ANK3: variants seen among roughly 807,000 people sequenced by gnomAD.
ANK3 encodes ankyrin 3.
ANK3 carries 57 observed loss-of-function variants against 370.9 expected under a neutral mutation model. The ratio of observed to expected loss-of-function variants is 0.15; its 90% CI spans 0.12 to 0.19. The LOEUF is 0.19. Ranked by LOEUF, ANK3 falls within the 10% of genes least tolerant of loss-of-function variation. ANK3 has a pLI of 1.00. For missense variants in ANK3, 4,439 were observed against 5,302.1 expected, an observed-to-expected ratio of 0.84 and a Z score of 5.06; for synonymous variants, 1,929 against 1,946.3, an observed-to-expected ratio of 0.99 and a Z score of 0.23.
chr10:60,301,305 T>C lies in ANK3; in HGVS notation c.115-21666A>G, dbSNP rs1158962464. Among the ~76,000 whole-genome samples, 4 of 148,126 alleles carry C rather than the reference T, an allele frequency of 2.7e-5. No homozygotes were observed. In the Admixed American group the frequency reaches 2.7e-4, roughly 10 times the overall value. ...GCACACATATACACACACATACATA[T>C]ATACACACATACACACACGTGTGTA... is the stretch of plus-strand genomic sequence containing the variant. On this transcript the variant is annotated intron_variant, in intron 1 of 43. Coordinates refer to ENST00000280772, the MANE Select transcript of ANK3 (RefSeq NM_020987.5).
intron 2 of ANK3, among the ~76,000 whole-genome samples, chr10:60,566,751 T>C (rs117468970): frequency 0.016 from 2,411 of 152,248 alleles, 32 homozygotes; most frequent in Non-Finnish European, 0.028. Flanking sequence ...TGGAGCACAC[T>C]TGTGATCCCA....
intron 25 of ANK3, among the ~76,000 whole-genome samples, chr10:60,125,694 G>T (rs2093721550): frequency 6.6e-6 from 1 of 152,172 alleles, no homozygotes; most frequent in Admixed American, 6.5e-5. Flanking sequence ...GGGGGTGGGA[G>T]TGTGGGTGGA....
intron 2 of ANK3, among the ~76,000 whole-genome samples, chr10:60,489,776 C>A (rs80066645): frequency 0.011 from 1,666 of 152,122 alleles, 39 homozygotes; most frequent in African/African-American, 0.036. Flanking sequence ...AATAAAGAAC[C>A]AGCCTTTTAA....
At position 60,073,966 on chromosome 10, in the gene ANK3, G is replaced by A; in HGVS notation, c.6915C>T (p.His2305=). Residue 2305 remains histidine, a synonymous_variant, in exon 37 of 44, where the codon CAC becomes CAT. Coordinates refer to ENST00000280772, the MANE Select transcript of ANK3 (RefSeq NM_020987.5). The part of the protein sequence containing the change: ...EHKSAVSPDV[H]KSAAETSAQH... ...GGGCTGAGGTTTCAGCAGCAGACTT[G>A]TGAACATCTGGAGACACTGCCGACT... 1 of 1,614,020 alleles carries A rather than the reference G, an allele frequency of 6.2e-7. No individual in the cohort carries two copies. The highest frequency in any genetic ancestry group is 8.5e-7 in the Non-Finnish European group (1 of 1,179,996).
intron 2 of ANK3, among the ~76,000 whole-genome samples, chr10:60,501,122 TTC>T (rs1206586771): frequency 6.6e-6 from 1 of 152,220 alleles, no homozygotes; most frequent in East Asian, 1.9e-4. Flanking sequence ...AACAGGTAAA[TTC>T]TCTGCAAGCC....
intron 2 of ANK3, among the ~76,000 whole-genome samples, chr10:60,430,424 C>T (rs570705045): frequency 1.7e-4 from 26 of 152,122 alleles, no homozygotes; most frequent in Non-Finnish European, 3.5e-4. Context: ...GACTAGCCAT[C>T]TGTTCATCAA....
intron 8 of ANK3, among the ~76,000 whole-genome samples, chr10:60,228,310 C>T (rs2050848): frequency 0.37 from 56,313 of 151,688 alleles, 11,878 homozygotes; most frequent in East Asian, 0.5. Context: ...CCGAGGTGGG[C>T]GGATCACGAG....
chr10:60,652,407 CAACA>C (rs1202310155), intron 1 of ANK3, among the ~76,000 whole-genome samples: 1 of 151,680 alleles, frequency 6.6e-6, no homozygotes, highest in East Asian at 1.9e-4. Context: ...GTCTCAAAAA[CAACA>C]ACGAAAACTA....
chr10:60,376,112 A>C (rs2060738943), intron 1 of ANK3, among the ~76,000 whole-genome samples: 1 of 152,158 alleles, frequency 6.6e-6, no homozygotes, highest in Admixed American at 6.5e-5. Flanking sequence ...AATTGTGTCA[A>C]GATTCAAACC....
intron 2 of ANK3, among the ~76,000 whole-genome samples, chr10:60,520,724 G>A (rs576672682): frequency 8.6e-5 from 13 of 152,016 alleles, no homozygotes; most frequent in Non-Finnish European, 1.2e-4. Context: ...TGGTGTTTCT[G>A]CCCATTGTTG....
intron 1 of ANK3, among the ~76,000 whole-genome samples, chr10:60,342,642 G>T (rs2054523089): frequency 6.6e-6 from 1 of 152,088 alleles, no homozygotes; most frequent in Non-Finnish European, 1.5e-5. Flanking sequence ...TCGAAGTCAG[G>T]GCTAGGATCT....
chr10:60,211,892 CAAAAA>C (rs72238553), intron 9 of ANK3, among the ~76,000 whole-genome samples: 1 of 93,396 alleles, frequency 1.1e-5, no homozygotes, highest in Non-Finnish European at 2.0e-5. Context: ...AATACAGAGC[CAAAAA>C]AAAAAAAAAA....
intron 2 of ANK3, among the ~76,000 whole-genome samples, chr10:60,433,063 C>T (rs2064069155): frequency 6.6e-6 from 1 of 152,134 alleles, no homozygotes; most frequent in Admixed American, 6.6e-5. Context: ...AAAAACTGTT[C>T]CACTTCAGGT....
intron 2 of ANK3, among the ~76,000 whole-genome samples, chr10:60,551,006 G>A (rs1288962977): frequency 5.3e-5 from 8 of 152,008 alleles, no homozygotes; most frequent in Admixed American, 6.6e-5. Context: ...TTCTATGCAC[G>A]AAAGTTAAGT....
intron 1 of ANK3, chr10:60,300,183 C>T: frequency 2.2e-6 from 1 of 449,660 alleles, no homozygotes; most frequent in Non-Finnish European, 4.3e-6. Flanking sequence ...ATATTTAACT[C>T]AAGTGATCCG....
rs186000016 is a variant in ANK3 at position 60,405,328 on chromosome 10, A to C, written c.97-125689T>G. Among the ~76,000 whole-genome samples, 4 of 152,320 alleles carry C rather than the reference A, an allele frequency of 2.6e-5. No homozygotes were observed. In the South Asian group the frequency reaches 6.2e-4, roughly 24 times the overall value. On this transcript the variant is annotated intron_variant, in intron 2 of 43. Transcript: ENST00000373827. ...GTGGTGTACTCATACAATTAATCTT[A>C]AAGAAGGAAAAAACCCCTACTGTTA...
In ANK3 at chr10:60,029,160, CATT is replaced by C. The variant is rs2072730920; in HGVS notation, c.*683_*685del. 6.6e-6 allele frequency: 1 copy of C among 152,216 alleles called. No individual in the cohort carries two copies. Among genetic ancestry groups the C allele is most frequent in the Non-Finnish European group, 1.5e-5 (1 of 68,004 alleles). The allele number at this position is 152,216 out of a possible 1,614,324, so 9.4% of individuals were successfully genotyped here. On this transcript the variant is annotated 3_prime_UTR_variant, in exon 44 of 44. Coordinates refer to ENST00000280772, the MANE Select transcript of ANK3 (RefSeq NM_020987.5). ...AAGCTAGCAGTTTTGCATATACAAA[CATT>C]ATAATTGCTAATATACAAGAATCAG... is the stretch of plus-strand genomic sequence containing the variant.
intron 2 of ANK3, among the ~76,000 whole-genome samples, chr10:60,535,750 T>C (rs896947735): frequency 1.3e-5 from 2 of 152,066 alleles, no homozygotes; most frequent in South Asian, 4.2e-4. Flanking sequence ...TTTTTATGCA[T>C]AAAGTACAGA....
intron 1 of ANK3, among the ~76,000 whole-genome samples, chr10:60,615,801 A>G (rs2078260468): frequency 6.6e-6 from 1 of 152,164 alleles, no homozygotes; most frequent in Admixed American, 6.5e-5. Context: ...TACAACCTCA[A>G]AATAGAAAAC....
Sources: gnomAD v4.1 joint callset for allele counts (sites outside exome capture counted in the v4.1 genomes callset) on GRCh38, gnomAD v4.1.1 for gene constraint, MANE v1.5 for transcripts, NCBI Gene and HGNC (gene_info 2026-07-23, HGNC 2026-07-21) for gene names.